The following MMP13 variants were observed in gnomAD, a reference collection of about 807,000 sequenced individuals.
MMP13 encodes the protein matrix metallopeptidase 13, also known as collagenase 3.
In MMP13, 45 loss-of-function variants were observed where a neutral mutation model predicts 52.1. That is an observed-to-expected ratio of 0.86 (90% confidence interval 0.68 to 1.11). The LOEUF (loss-of-function observed/expected upper bound fraction) is 1.11, where lower values mean the gene tolerates loss of function less well. Ranked by LOEUF, MMP13 falls within the 50% of genes least tolerant of loss-of-function variation. The pLI is 0.00. For synonymous variants in MMP13, 200 were observed against 204.4 expected, an observed-to-expected ratio of 0.98 and a Z score of 0.18; for missense variants, 576 against 583.8, an observed-to-expected ratio of 0.99 and a Z score of 0.14.
In MMP13 at chr11:102,949,296, C is replaced by T. The variant is rs1288130576; in HGVS notation, c.918-138G>A. Reference sequence around the variant, plus strand: ...CCCACCTGTGAAGGGAAAAAAAATTCCATTACCCTTTAAGCGCCAGTGACA... The same window carrying T: ...CCCACCTGTGAAGGGAAAAAAAATTTCATTACCCTTTAAGCGCCAGTGACA... On this transcript the variant is annotated intron_variant, in intron 6 of 9. Coordinates refer to ENST00000260302, the MANE Select transcript of MMP13 (RefSeq NM_002427.4). This position sits in a 1 kb window ranked among gnomAD's most constrained non-coding sequence, Gnocchi z 4.2. The T allele has an allele frequency of 2.7e-5, 29 of 1,081,566 alleles. No individual in the cohort carries two copies. The highest frequency in any genetic ancestry group is 4.1e-5 in the Admixed American group (2 of 49,030). 67.0% of individuals were successfully genotyped at this position (1,081,566 alleles called of 1,614,324 possible).
chr11:102,953,423 T>A (rs1279618360), intron 4 of MMP13, among the ~76,000 whole-genome samples: 1 of 152,170 alleles, frequency 6.6e-6, no homozygotes, highest in Non-Finnish European at 1.5e-5. Flanking sequence ...TTTATTTAAA[T>A]GAAAAATAAA....
At position 102,952,538 on chromosome 11, in the gene MMP13, C is replaced by T. The variant is rs192433674; in HGVS notation, c.638-365G>A. Among the ~76,000 whole-genome samples the T allele has an allele frequency of 7.5e-4, 114 of 152,152 alleles. No individual in the cohort carries two copies. Among genetic ancestry groups the T allele is most frequent in the Admixed American group, 4.8e-3 (73 of 15,256 alleles). ...GGAAGTGGACAGAGATTACCTTAAACGAGGAGTGGGGAAATCACATAGGGT... is the reference window on the plus strand; with the variant it reads ...GGAAGTGGACAGAGATTACCTTAAATGAGGAGTGGGGAAATCACATAGGGT... On this transcript the variant is annotated intron_variant, in intron 4 of 9. Transcript: ENST00000260302. The surrounding 1 kb of genome is among the most constrained non-coding windows in gnomAD (Gnocchi z 4.3).
rs554838961 is a variant in MMP13, at chr11:102,945,763, A to C, written c.1212-14T>G. On this transcript the variant is annotated splice_polypyrimidine_tract_variant and intron_variant, in intron 8 of 9. Coordinates refer to ENST00000260302, the MANE Select transcript of MMP13 (RefSeq NM_002427.4). ...GTATCATCATATCTATTTAAAGAAA[A>C]AAAACTCCTAAGTCAGTTATATTTC... The C allele has an allele frequency of 7.5e-7, 1 of 1,332,346 alleles. No homozygotes were observed. Among genetic ancestry groups the C allele is most frequent in the African/African-American group, 1.4e-5 (1 of 69,204 alleles). The allele number at this position is 1,332,346 out of a possible 1,614,324, so 82.5% of individuals were successfully genotyped here. A position where few individuals can be genotyped will look rare whatever the true frequency, so the allele number is the denominator to read the frequency against.
In MMP13 at chr11:102,944,321, A is replaced by T. The variant is rs782626500; in HGVS notation, c.1361T>A (p.Ile454Asn). Residue 454 changes from isoleucine to asparagine, a missense_variant, in exon 10 of 10, where the codon ATC (isoleucine) becomes AAC (asparagine). Transcript: ENST00000260302. ...FNGPIQFEYS[I>N]WSNRIVRVMP... ...GACGCGAACAATACGGTTACTCCAG[A>T]TGCTGTATTCAAACTGTATGGGTCC... The T allele has an allele frequency of 1.2e-6, 2 of 1,613,410 alleles. No individual in the cohort carries two copies. Among genetic ancestry groups the T allele is most frequent in the Non-Finnish European group, 1.7e-6 (2 of 1,179,494 alleles).
chr11:102,955,498 A>C lies in MMP13; in HGVS notation c.121-5T>G, dbSNP rs1251665110. The C allele has an allele frequency of 1.2e-6, 2 of 1,613,914 alleles. No homozygotes were observed. The highest frequency in any genetic ancestry group is 1.7e-6 in the Non-Finnish European group (2 of 1,179,938). On this transcript the variant is annotated splice_region_variant and splice_polypyrimidine_tract_variant and intron_variant, in intron 1 of 9. Transcript: ENST00000260302. This position sits in a 1 kb window ranked among gnomAD's most constrained non-coding sequence, Gnocchi z 4.9. ...GTAGTATGATCTCAGGTAGCGCTAGAAAAGACACCAAAATGAACTGCGTTT... is the reference window on the plus strand; with the variant it reads ...GTAGTATGATCTCAGGTAGCGCTAGCAAAGACACCAAAATGAACTGCGTTT...
At position 102,949,169 on chromosome 11, in the gene MMP13, A is replaced by C. The variant is rs1206397645; in HGVS notation, c.918-11T>G. The C allele has an allele frequency of 6.2e-7, 1 of 1,612,930 alleles. No homozygotes were observed. Among genetic ancestry groups the C allele is most frequent in the Non-Finnish European group, 8.5e-7 (1 of 1,179,658 alleles). On this transcript the variant is annotated splice_polypyrimidine_tract_variant and intron_variant, in intron 6 of 9. Coordinates refer to ENST00000260302, the MANE Select transcript of MMP13 (RefSeq NM_002427.4). The surrounding 1 kb of genome is among the most constrained non-coding windows in gnomAD (Gnocchi z 4.2). ...AGGCGCCAGAAGAATCTAACACAAA[A>C]GTAAAATGGAGTTTTCTGTCACATT...
Position 102,948,283 on chromosome 11 carries a change from G to A in MMP13, c.1052-233C>T, listed in dbSNP as rs17860567. Among the ~76,000 whole-genome samples the A allele has an allele frequency of 0.085, 12,909 of 152,080 alleles. 779 individuals are homozygous for A. Among genetic ancestry groups the A allele is most frequent in the African/African-American group, 0.17 (7,135 of 41,446 alleles). On this transcript the variant is annotated intron_variant, in intron 7 of 9. Coordinates refer to ENST00000260302, the MANE Select transcript of MMP13 (RefSeq NM_002427.4). ...TGAATATAGCTAATCAAATATCACA[G>A]TTAACTTGGCAATTTATTAGCTCTG...
chr11:102,947,744 G>A (rs1001838217), intron 8 of MMP13, 147 bp downstream of exon 8: 10 of 790,166 alleles, frequency 1.3e-5, no homozygotes, highest in Non-Finnish European at 2.1e-5. Flanking sequence ...ATGTCTGAGG[G>A]TCTGCCTGAA....
intron 5 of MMP13, 43 bp downstream of exon 5, chr11:102,951,969 T>G (rs1860619109): frequency 6.3e-7 from 1 of 1,597,430 alleles, no homozygotes; most frequent in African/African-American, 1.3e-5. Context: ...GGGTTTCTTC[T>G]GCTTTTATAA....
chr11:102,945,817 A>G (rs1555016613), intron 8 of MMP13, 68 bp from the exon 9 acceptor site: 1 of 809,210 alleles, frequency 1.2e-6, no homozygotes, highest in Admixed American at 2.1e-5. Flanking sequence ...ATAATACAAT[A>G]GATACAATGG....
Position 102,945,743 on chromosome 11 carries a change from A to T in MMP13, c.1218T>A (p.Asp406Glu). The T allele has an allele frequency of 3.2e-6, 5 of 1,542,152 alleles. No individual in the cohort carries two copies. The highest frequency in any genetic ancestry group is 4.5e-6 in the Non-Finnish European group (5 of 1,117,802). The change falls in exon 9 of 10, where the codon GAT becomes GAA. Residue 406 changes from aspartate to glutamate, a missense_variant. Physicochemically the swap from Asp to Glu is conservative, Grantham distance 45. Transcript: ENST00000260302. The part of the protein sequence containing the change: ...LFSGNQVWRY[D>E]DTNHIMDKDY... ...CTTTATCCATAATATGGTTAGTATC[A>T]TCATATCTATTTAAAGAAAAAAAAC...
At chr11:102,953,481 A>G (rs1860645674) in intron 4 of MMP13, among the ~76,000 whole-genome samples, 1 of 152,206 alleles carries the variant, frequency 6.6e-6, no homozygotes, top group South Asian at 2.1e-4. Context: ...ACTAAGTCCT[A>G]GTTAGAACAA....
At chr11:102,948,158 T>C (rs183656936) in intron 7 of MMP13, 108 bp from the exon 8 acceptor site, 83 of 820,178 alleles carry the variant, frequency 1.0e-4, no homozygotes, top group Non-Finnish European at 1.5e-4. Context: ...GAAATATTAA[T>C]AAAATATTTA....
rs1437160659 is a variant in MMP13 at position 102,950,089 on chromosome 11, A to G, written c.917+21T>C. 2.5e-6 allele frequency: 4 copies of G among 1,571,326 alleles called. No individual in the cohort carries two copies. The East Asian group carries it at 6.7e-5, about 26-fold the overall frequency. ...CAGATGTTTGTCGCATACAGACTTTATGAAAGAATCTCAAGAGTACCTGTC... is the reference window on the plus strand; with the variant it reads ...CAGATGTTTGTCGCATACAGACTTTGTGAAAGAATCTCAAGAGTACCTGTC... On this transcript the variant is annotated intron_variant, in intron 6 of 9. Transcript: ENST00000260302.
Position 102,947,985 on chromosome 11 carries a change from G to C in MMP13, c.1117C>G (p.Leu373Val). 2 of 1,613,834 alleles carry C rather than the reference G, an allele frequency of 1.2e-6. No homozygotes were observed. The highest frequency in any genetic ancestry group is 1.7e-6 in the Non-Finnish European group (2 of 1,179,890). Residue 373 changes from leucine to valine, a missense_variant, in exon 8 of 10, where the codon CTG becomes GTG. By Grantham distance (32) the Leu-to-Val change is conservative. Coordinates refer to ENST00000260302, the MANE Select transcript of MMP13 (RefSeq NM_002427.4). ...TTCTTAACTTCTTTTGGAAGACCCA[G>C]TTCAGATATTTTTTTGGGATAACCT... Reference protein sequence around the residue: ...LEGYPKKISELGLPKEVKKIS... With the variant: ...LEGYPKKISEVGLPKEVKKIS...
At position 102,955,576 on chromosome 11, in the gene MMP13, G is replaced by A; in HGVS notation, c.120+10C>T. 1 of 1,613,958 alleles carries A rather than the reference G, an allele frequency of 6.2e-7. No homozygotes were observed. Among genetic ancestry groups the A allele is most frequent in the Non-Finnish European group, 8.5e-7 (1 of 1,179,886 alleles). ...CCAACCGCATCATCAGGATTGGCAA[G>A]ATACTCTACCTCTGCAAACTGGAGG... On this transcript the variant is annotated intron_variant, in intron 1 of 9. Coordinates refer to ENST00000260302, the MANE Select transcript of MMP13 (RefSeq NM_002427.4). The surrounding 1 kb of genome is among the most constrained non-coding windows in gnomAD (Gnocchi z 4.9).
At position 102,952,208 on chromosome 11, in the gene MMP13, G is replaced by A. The variant is rs1189584416; in HGVS notation, c.638-35C>T. 2 of 1,605,718 alleles carry A rather than the reference G, an allele frequency of 1.2e-6. No homozygotes were observed. The highest frequency in any genetic ancestry group is 1.7e-5 in the Admixed American group (1 of 59,862). On this transcript the variant is annotated intron_variant, in intron 4 of 9. Transcript: ENST00000260302. The surrounding 1 kb of genome is among the most constrained non-coding windows in gnomAD (Gnocchi z 4.3). The stretch of plus-strand genomic sequence containing the variant: ...AACAAAGAAACAATGAGAAAAAAAG[G>A]AATTCCAGTGACCAGGTAATGAAAG...
intron 9 of MMP13, among the ~76,000 whole-genome samples, chr11:102,944,817 C>T (rs1372101718): frequency 7.8e-6 from 1 of 127,560 alleles, no homozygotes; most frequent in African/African-American, 3.0e-5. Context: ...GATGGGGTTT[C>T]GCCATGTTGG....
At chr11:102,948,715 T>A (rs1408802260) in intron 7 of MMP13, among the ~76,000 whole-genome samples, 1 of 152,168 alleles carries the variant, frequency 6.6e-6, no homozygotes, top group Non-Finnish European at 1.5e-5. Context: ...TTTTCCACTT[T>A]TTCAGAATAT....
Sources: allele counts gnomAD v4.1 joint callset (sites outside exome capture counted in the v4.1 genomes callset), GRCh38; gene constraint gnomAD v4.1.1; non-coding constraint Gnocchi (gnomAD v3.1); transcripts MANE v1.5; gene names NCBI Gene and HGNC (gene_info 2026-07-23, HGNC 2026-07-21).